Variants in MYO5A observed in about 807,000 individuals in gnomAD.
MYO5A encodes myosin VA, also known as unconventional myosin-Va.
Under a neutral mutation model 249.7 loss-of-function variants are expected in MYO5A, and 98 were observed. That is an observed-to-expected ratio of 0.39 (90% CI 0.33 to 0.46). The LOEUF is 0.46. Ranked by LOEUF, MYO5A falls within the 20% of genes least tolerant of loss-of-function variation. The pLI is 0.98. For missense variants in MYO5A, 1,696 were observed against 2,308.8 expected, an observed-to-expected ratio of 0.73 and a Z score of 5.44; for synonymous variants, 778 against 810.6, an observed-to-expected ratio of 0.96 and a Z score of 0.68.
At chr15:52,369,333 G>T (rs1285640785) in intron 22 of MYO5A, among the ~76,000 whole-genome samples, 1 of 152,152 alleles carries the variant, frequency 6.6e-6, no homozygotes, top group Non-Finnish European at 1.5e-5. Context: ...ATTTAAAGAT[G>T]GTAATACCAG....
At position 52,453,493 on chromosome 15, in the gene MYO5A, CAT is replaced by C. The variant is rs1363360624; in HGVS notation, c.28-20210_28-20209del. ...AAAACACTAATGTGAAAAAACAAAA[CAT>C]GTGAAGGTATAAAACTCACAGGTAA... is the stretch of plus-strand genomic sequence containing the variant. On this transcript the variant is annotated intron_variant, in intron 1 of 41. Coordinates refer to ENST00000399233, the MANE Select transcript of MYO5A (RefSeq NM_001382347.1). Among the ~76,000 whole-genome samples the C allele has an allele frequency of 7.9e-5, 12 of 151,946 alleles. No individual in the cohort carries two copies. In the South Asian group the frequency reaches 2.3e-3, roughly 29 times the overall value.
chr15:52,497,630 A>C (rs2462844), intron 1 of MYO5A, among the ~76,000 whole-genome samples: 2 of 150,536 alleles, frequency 1.3e-5, no homozygotes, highest in Non-Finnish European at 3.0e-5. Flanking sequence ...GGCAGTGTGC[A>C]CCTGTAGTCC....
chr15:52,442,818 C>T lies in MYO5A; in HGVS notation c.28-9533G>A, dbSNP rs145838684. On this transcript the variant is annotated intron_variant, in intron 1 of 41. Coordinates refer to ENST00000399233, the MANE Select transcript of MYO5A (RefSeq NM_001382347.1). The stretch of plus-strand genomic sequence containing the variant: ...TTGCCCAGGCTGGAGTGCAGTGGCA[C>T]GATCTCGGCTCACTGCAACCTCCAC... Among the ~76,000 whole-genome samples, 1,087 of 150,302 alleles carry T rather than the reference C, an allele frequency of 7.2e-3. 17 individuals are homozygous for T. The highest frequency in any genetic ancestry group is 0.026 in the African/African-American group (1,047 of 40,962).
At chr15:52,498,216 A>G (rs2077081765) in intron 1 of MYO5A, among the ~76,000 whole-genome samples, 1 of 152,352 alleles carries the variant, frequency 6.6e-6, no homozygotes, top group East Asian at 1.9e-4. Context: ...GATATAATCT[A>G]TGTAAACAAT....
chr15:52,444,601 A>AT (rs1360454354), intron 1 of MYO5A, among the ~76,000 whole-genome samples: 2 of 152,360 alleles, frequency 1.3e-5, no homozygotes, highest in East Asian at 3.9e-4. Flanking sequence ...ATAAGGAAGA[A>AT]TAAGAAAAAC....
Position 52,313,571 on chromosome 15 carries a change from G to C in MYO5A, c.*125C>G. 8.3e-7 allele frequency: 1 copy of C among 1,206,178 alleles called. No homozygotes were observed. The highest frequency in any genetic ancestry group is 1.9e-5 in the Admixed American group (1 of 51,626). 74.7% of individuals were successfully genotyped at this position (1,206,178 alleles called of 1,614,324 possible). ...TATTCTAGGGAGATTTCCAGTTAAT[G>C]ACTTCTCATTTGGGAGATAATCAGT... On this transcript the variant is annotated 3_prime_UTR_variant, in exon 42 of 42. Coordinates refer to ENST00000399233, the MANE Select transcript of MYO5A (RefSeq NM_001382347.1).
chr15:52,448,516 G>C (rs941657469), intron 1 of MYO5A, among the ~76,000 whole-genome samples: 1 of 152,172 alleles, frequency 6.6e-6, no homozygotes, highest in Non-Finnish European at 1.5e-5. Flanking sequence ...AATAAGTTAA[G>C]ACTTTGGACT....
chr15:52,434,392 G>T (rs772729856), intron 1 of MYO5A, among the ~76,000 whole-genome samples: 1 of 152,160 alleles, frequency 6.6e-6, no homozygotes, highest in Non-Finnish European at 1.5e-5. Context: ...ACAGTAGGGA[G>T]AAGAGGAGAA....
chr15:52,326,542 G>A (rs1005439334), intron 36 of MYO5A, among the ~76,000 whole-genome samples: 4 of 152,162 alleles, frequency 2.6e-5, no homozygotes, highest in African/African-American at 9.7e-5. Flanking sequence ...TCGCTCCCCA[G>A]GGCTGAGGGA....
chr15:52,448,812 C>T (rs2075950093), intron 1 of MYO5A, among the ~76,000 whole-genome samples: 1 of 152,076 alleles, frequency 6.6e-6, no homozygotes, highest in Non-Finnish European at 1.5e-5. Context: ...CTTCCCTTAA[C>T]CTTCTGCCAT....
At position 52,528,833 on chromosome 15, in the gene MYO5A, C is replaced by T. The variant is rs531943467; in HGVS notation, c.-27G>A. The T allele has an allele frequency of 2.0e-6, 3 of 1,473,618 alleles. No individual in the cohort carries two copies. Among genetic ancestry groups the T allele is most frequent in the South Asian group, 2.6e-5 (2 of 77,696 alleles). The allele number at this position is 1,473,618 out of a possible 1,614,324, so 91.3% of individuals were successfully genotyped here. A position where few individuals can be genotyped will look rare whatever the true frequency, so the allele number is the denominator to read the frequency against. On this transcript the variant is annotated 5_prime_UTR_variant, in exon 1 of 42. Coordinates refer to ENST00000399233, the MANE Select transcript of MYO5A (RefSeq NM_001382347.1). ...GCGGGCCCCGCGCGCCTACGCCCCC[C>T]GCCTGTGCGGAGGCCGCACCTCGCC...
At chr15:52,459,790 A>G (rs1007600743) in intron 1 of MYO5A, among the ~76,000 whole-genome samples, 1 of 150,756 alleles carries the variant, frequency 6.6e-6, no homozygotes, top group Admixed American at 6.6e-5. Flanking sequence ...GCGGCCGGGC[A>G]GAGGGGCTCC....
At chr15:52,354,814 A>G (rs1431904222) in intron 25 of MYO5A, among the ~76,000 whole-genome samples, 1 of 151,650 alleles carries the variant, frequency 6.6e-6, no homozygotes, top group Non-Finnish European at 1.5e-5. Context: ...AGATTGCGCC[A>G]CTGCACTCCA....
In MYO5A at chr15:52,468,407, C is replaced by T. The variant is rs1341036419; in HGVS notation, c.28-35122G>A. 7.2e-5 allele frequency among the ~76,000 whole-genome samples: 11 copies of T among 152,308 alleles called. No homozygotes were observed. In the East Asian group the frequency reaches 2.1e-3, roughly 29 times the overall value. On this transcript the variant is annotated intron_variant, in intron 1 of 41. Coordinates refer to ENST00000399233, the MANE Select transcript of MYO5A (RefSeq NM_001382347.1). ...GTACAATGGCTAATATCTATAATCC[C>T]AGCATTTTGAGAGGCTGAGGTGGGA... is the stretch of plus-strand genomic sequence containing the variant.
At chr15:52,366,233 T>C (rs1469951131) in intron 23 of MYO5A, among the ~76,000 whole-genome samples, 11 of 152,198 alleles carry the variant, frequency 7.2e-5, no homozygotes, top group Admixed American at 7.2e-4. Flanking sequence ...ATTTGCCTCA[T>C]AAATGTATAC....
At chr15:52,426,461 C>A (rs1259630584) in intron 3 of MYO5A, among the ~76,000 whole-genome samples, 2 of 152,006 alleles carry the variant, frequency 1.3e-5, no homozygotes, top group African/African-American at 2.4e-5. Context: ...TACCACCAAT[C>A]ATGTTTGTTT....
chr15:52,461,789 C>G (rs112068437), intron 1 of MYO5A, among the ~76,000 whole-genome samples: 1 of 151,562 alleles, frequency 6.6e-6, no homozygotes, highest in Admixed American at 6.6e-5. Flanking sequence ...AGTGAAACCC[C>G]GTCTCTACTA....
intron 1 of MYO5A, among the ~76,000 whole-genome samples, chr15:52,467,579 C>T (rs1046849055): frequency 6.6e-6 from 1 of 152,018 alleles, no homozygotes; most frequent in Non-Finnish European, 1.5e-5. Context: ...GAAGAAAATG[C>T]AAAAAGTTCT....
At chr15:52,401,172 G>A (rs1421685620) in intron 9 of MYO5A, among the ~76,000 whole-genome samples, 1 of 149,612 alleles carries the variant, frequency 6.7e-6, no homozygotes, top group Non-Finnish European at 1.5e-5. Flanking sequence ...CCAGGTTCAA[G>A]CACTTCTCAT....
Sources: allele counts gnomAD v4.1 joint callset (sites outside exome capture counted in the v4.1 genomes callset), GRCh38; gene constraint gnomAD v4.1.1; transcripts MANE v1.5; gene names NCBI Gene and HGNC (gene_info 2026-07-23, HGNC 2026-07-21).